Variants in PRKCE observed in about 807,000 individuals in gnomAD.
The protein encoded by PRKCE is protein kinase C epsilon, also known as protein kinase C epsilon type.
In PRKCE, 16 loss-of-function variants were observed where a neutral mutation model predicts 85.4. That is an observed-to-expected ratio of 0.19 (90% CI 0.13 to 0.28). The LOEUF (loss-of-function observed/expected upper bound fraction) is 0.28, where lower values mean the gene tolerates loss of function less well. Among genes scored for constraint, PRKCE ranks in the 10% least tolerant of loss-of-function variants. The pLI, the probability that PRKCE is intolerant of heterozygous loss-of-function variation, is 1.00. For synonymous variants in PRKCE, 388 were observed against 371.5 expected, an observed-to-expected ratio of 1.04 and a Z score of -0.51; for missense variants, 573 against 975.2, an observed-to-expected ratio of 0.59 and a Z score of 5.49.
intron 10 of PRKCE, among the ~76,000 whole-genome samples, chr2:46,043,801 A>G (rs1388023428): frequency 6.6e-6 from 1 of 152,266 alleles, no homozygotes; most frequent in Non-Finnish European, 1.5e-5. Context: ...ATGAATCATT[A>G]TAATGTATCA....
chr2:46,011,791 C>T (rs1271233378), intron 10 of PRKCE, among the ~76,000 whole-genome samples: 1 of 137,982 alleles, frequency 7.2e-6, no homozygotes, highest in Non-Finnish European at 1.7e-5. Context: ...CACATGCACC[C>T]ACACACACAC....
intron 1 of PRKCE, among the ~76,000 whole-genome samples, chr2:45,808,445 T>C (rs999626202): frequency 2.0e-5 from 3 of 152,224 alleles, no homozygotes; most frequent in Admixed American, 2.0e-4. Flanking sequence ...GCCCAACTTT[T>C]CACATCATTG....
intron 14 of PRKCE, among the ~76,000 whole-genome samples, chr2:46,174,619 C>T (rs1195366942): frequency 6.6e-6 from 1 of 152,120 alleles, no homozygotes; most frequent in African/African-American, 2.4e-5. Context: ...TCCCCCATGC[C>T]ACACACAACA....
At chr2:46,023,769 C>A (rs13013317) in intron 10 of PRKCE, among the ~76,000 whole-genome samples, 38,154 of 151,984 alleles carry the variant, frequency 0.25, 5,246 homozygotes, top group African/African-American at 0.36. Context: ...CCCCCACTGC[C>A]TGTGGTTTGT....
Position 45,858,202 on chromosome 2 carries a change from C to T in PRKCE, c.412+15139C>T, listed in dbSNP as rs116604619. Among the ~76,000 whole-genome samples, 1,430 of 152,236 alleles carry T rather than the reference C, an allele frequency of 9.4e-3. 25 individuals are homozygous for T. Among genetic ancestry groups the T allele is most frequent in the African/African-American group, 0.032 (1,329 of 41,534 alleles). On this transcript the variant is annotated intron_variant, in intron 2 of 14. Transcript: ENST00000306156. ...TGCCTGTAACGATGGCCCTTCTAGC[C>T]GCGACACTACCAGGCCAACTAGAAA...
At chr2:45,727,842 A>T (rs925179075) in intron 1 of PRKCE, among the ~76,000 whole-genome samples, 17 of 151,918 alleles carry the variant, frequency 1.1e-4, no homozygotes, top group African/African-American at 4.1e-4. Flanking sequence ...TTTAGTAGAG[A>T]CGGGGTTTCA....
In PRKCE at chr2:46,101,823, T is replaced by C. The variant is rs1216490986; in HGVS notation, c.1592+15461T>C. Among the ~76,000 whole-genome samples, 14 of 143,080 alleles carry C rather than the reference T, an allele frequency of 9.8e-5. No individual in the cohort carries two copies. In the Admixed American group the frequency reaches 1.0e-3, roughly 10 times the overall value. 93.9% of individuals were successfully genotyped at this position (143,080 alleles called of 152,430 possible). The stretch of plus-strand genomic sequence containing the variant: ...CAGACAGAACCATAAGTTGGGACTC[T>C]AGTGTTTTGGTGGTGTATGCTGATA... On this transcript the variant is annotated intron_variant, in intron 11 of 14. Transcript: ENST00000306156.
At chr2:45,996,936 C>G (rs1031056642) in intron 6 of PRKCE, among the ~76,000 whole-genome samples, 19 of 152,056 alleles carry the variant, frequency 1.2e-4, no homozygotes, top group South Asian at 2.1e-4. Flanking sequence ...GCAGAATTCA[C>G]CATTTGGGCC....
intron 1 of PRKCE, chr2:45,676,585 CG>C (rs1410573623): frequency 1.3e-5 from 2 of 152,172 alleles, no homozygotes; most frequent in African/African-American, 4.8e-5. Context: ...TAGCCCAGTC[CG>C]TACAAACACC....
intron 2 of PRKCE, among the ~76,000 whole-genome samples, chr2:45,903,385 G>A (rs1412549864): frequency 6.6e-6 from 1 of 152,156 alleles, no homozygotes; most frequent in Non-Finnish European, 1.5e-5. Context: ...TGAGATACAG[G>A]GAAGGATTTT....
intron 1 of PRKCE, among the ~76,000 whole-genome samples, chr2:45,747,460 A>G (rs1339239987): frequency 6.6e-6 from 1 of 152,128 alleles, no homozygotes. Flanking sequence ...ATTATACAGT[A>G]TTTGTCCTTT....
chr2:45,752,198 T>G (rs1419563038), intron 1 of PRKCE, among the ~76,000 whole-genome samples: 1 of 152,226 alleles, frequency 6.6e-6, no homozygotes, highest in Non-Finnish European at 1.5e-5. Context: ...GTGCTAAATA[T>G]TCATCTGATT....
intron 1 of PRKCE, among the ~76,000 whole-genome samples, chr2:45,811,531 C>T (rs1688652639): frequency 6.6e-6 from 1 of 152,318 alleles, no homozygotes; most frequent in Non-Finnish European, 1.5e-5. Flanking sequence ...CTGACTCACC[C>T]TGCGTTGTAA....
chr2:45,729,403 T>TA (rs1204405187), intron 1 of PRKCE, among the ~76,000 whole-genome samples: 2 of 152,220 alleles, frequency 1.3e-5, no homozygotes, highest in Non-Finnish European at 2.9e-5. Context: ...GTGATCCTAA[T>TA]ACGCTTATGA....
chr2:45,930,206 A>C (rs534507906), intron 2 of PRKCE, among the ~76,000 whole-genome samples: 1 of 152,248 alleles, frequency 6.6e-6, no homozygotes, highest in Non-Finnish European at 1.5e-5. Flanking sequence ...TAGCAGAAGA[A>C]GATGTCACAG....
At chr2:45,687,528 A>G (rs1218690527) in intron 1 of PRKCE, among the ~76,000 whole-genome samples, 1 of 152,224 alleles carries the variant, frequency 6.6e-6, no homozygotes, top group Non-Finnish European at 1.5e-5. Context: ...CCAAAAATGC[A>G]CATACCCATG....
chr2:45,782,012 T>C (rs1309217764), intron 1 of PRKCE, among the ~76,000 whole-genome samples: 1 of 152,158 alleles, frequency 6.6e-6, no homozygotes, highest in African/African-American at 2.4e-5. Context: ...GAGCCTCGTT[T>C]TTGGTTATGA....
intron 2 of PRKCE, among the ~76,000 whole-genome samples, chr2:45,880,782 A>G (rs1325786766): frequency 6.6e-6 from 1 of 152,198 alleles, no homozygotes; most frequent in Non-Finnish European, 1.5e-5. Flanking sequence ...TTATTAAGAA[A>G]CACTACTTGT....
chr2:45,996,967 G>T (rs1310408575), intron 6 of PRKCE, among the ~76,000 whole-genome samples: 1 of 152,058 alleles, frequency 6.6e-6, no homozygotes, highest in Non-Finnish European at 1.5e-5. Context: ...TGTTTTGGAA[G>T]GTTATTAATG....
Sources: allele counts gnomAD v4.1 joint callset (sites outside exome capture counted in the v4.1 genomes callset), GRCh38; gene constraint gnomAD v4.1.1; transcripts MANE v1.5; gene names NCBI Gene and HGNC (gene_info 2026-07-23, HGNC 2026-07-21).